PPARGC1A: variants seen among roughly 807,000 people sequenced by gnomAD.
PPARGC1A encodes PPARG coactivator 1 alpha.
A neutral mutation model predicts 88.7 loss-of-function variants in PPARGC1A; 25 were observed. The observed-to-expected ratio is 0.28, with a 90% CI of 0.21 to 0.39. The LOEUF (loss-of-function observed/expected upper bound fraction) is 0.39. Ranked by LOEUF, PPARGC1A falls within the 10% of genes least tolerant of loss-of-function variation. The pLI, the probability that PPARGC1A is intolerant of heterozygous loss-of-function variation, is 1.00. For synonymous variants in PPARGC1A, 363 were observed against 355.6 expected, an observed-to-expected ratio of 1.02 and a Z score of -0.24; for missense variants, 880 against 968.7, an observed-to-expected ratio of 0.91 and a Z score of 1.22.
the PPARGC1A span, among the ~76,000 whole-genome samples, chr4:23,913,243 TA>T: frequency 1.6e-4 from 9 of 54,674 alleles, no homozygotes; most frequent in East Asian, 8.1e-4. Flanking sequence ...TTATATATTT[TA>T]TATATATATA....
At chr4:23,960,083 C>T in the PPARGC1A span, among the ~76,000 whole-genome samples, 213 of 152,250 alleles carry the variant, frequency 1.4e-3, no homozygotes, top group African/African-American at 4.9e-3. Flanking sequence ...AATCAGGCAA[C>T]AATCTAGGCT....
the PPARGC1A span, among the ~76,000 whole-genome samples, chr4:24,194,129 C>CAA: frequency 0.064 from 8,205 of 128,540 alleles, 474 homozygotes; most frequent in African/African-American, 0.13. Flanking sequence ...AACTCCATCT[C>CAA]AAAAAAAAAA....
the PPARGC1A span, among the ~76,000 whole-genome samples, chr4:24,286,314 T>C: frequency 6.6e-6 from 1 of 152,274 alleles, no homozygotes; most frequent in East Asian, 1.9e-4. Flanking sequence ...TTCCTTAGTC[T>C]TGTTCTTCTC....
At chr4:24,353,861 T>A in the PPARGC1A span, among the ~76,000 whole-genome samples, 492 of 152,300 alleles carry the variant, frequency 3.2e-3, 3 homozygotes, top group Middle Eastern at 0.014. Flanking sequence ...GTACACACAC[T>A]AGGTTCAGAA....
chr4:24,456,077 G>C, the PPARGC1A span, among the ~76,000 whole-genome samples: 2 of 152,174 alleles, frequency 1.3e-5, no homozygotes, highest in African/African-American at 2.4e-5. Flanking sequence ...CCCAGCATTA[G>C]CTGGGCCTTT....
intron 2 of PPARGC1A, among the ~76,000 whole-genome samples, chr4:23,874,959 T>C (rs1390170096): frequency 6.6e-6 from 1 of 152,246 alleles, no homozygotes; most frequent in Admixed American, 6.5e-5. Context: ...TTGCTAAAGC[T>C]AGATATCAAA....
chr4:23,845,810 G>A (rs1728212564), intron 2 of PPARGC1A, among the ~76,000 whole-genome samples: 1 of 152,148 alleles, frequency 6.6e-6, no homozygotes, highest in Non-Finnish European at 1.5e-5. Context: ...TTTTACATGG[G>A]TTTAGGTTTC....
chr4:24,373,258 G>A, the PPARGC1A span, among the ~76,000 whole-genome samples: 1 of 152,362 alleles, frequency 6.6e-6, no homozygotes, highest in African/African-American at 2.4e-5. Flanking sequence ...GTCTGCAGCA[G>A]ATGGAGGAGG....
chr4:24,133,947 T>C, the PPARGC1A span, among the ~76,000 whole-genome samples: 19,369 of 152,116 alleles, frequency 0.13, 1,569 homozygotes, highest in African/African-American at 0.23. Context: ...CTCATAACAA[T>C]TAGCTCTAAG....
chr4:23,927,332 G>A, the PPARGC1A span, among the ~76,000 whole-genome samples: 1 of 152,156 alleles, frequency 6.6e-6, no homozygotes, highest in East Asian at 1.9e-4. Context: ...GTCCAGGACT[G>A]TCTGCATATC....
the PPARGC1A span, among the ~76,000 whole-genome samples, chr4:24,002,240 G>A: frequency 6.6e-6 from 1 of 152,086 alleles, no homozygotes; most frequent in Admixed American, 6.6e-5. Context: ...CCATTCTCCT[G>A]CCTCAGCCTC....
chr4:24,118,561 C>T, the PPARGC1A span, among the ~76,000 whole-genome samples: 1 of 152,128 alleles, frequency 6.6e-6, no homozygotes, highest in African/African-American at 2.4e-5. Context: ...ATTTTTAGAA[C>T]ACTACTCGGT....
At chr4:23,974,746 C>A in the PPARGC1A span, among the ~76,000 whole-genome samples, 1 of 149,978 alleles carries the variant, frequency 6.7e-6, no homozygotes, top group Non-Finnish European at 1.5e-5. Flanking sequence ...CATTCTCCCG[C>A]CTCGGCCTCC....
the PPARGC1A span, among the ~76,000 whole-genome samples, chr4:24,183,206 C>T: frequency 7.9e-3 from 1,198 of 152,290 alleles, 12 homozygotes; most frequent in African/African-American, 0.027. Context: ...AATGCTTCTC[C>T]AGGACTTCTA....
At chr4:24,226,093 C>T in the PPARGC1A span, among the ~76,000 whole-genome samples, 1 of 152,120 alleles carries the variant, frequency 6.6e-6, no homozygotes, top group African/African-American at 2.4e-5. Flanking sequence ...CTACCATTTC[C>T]CCTTTTGCCA....
the PPARGC1A span, among the ~76,000 whole-genome samples, chr4:24,039,732 TTG>T: frequency 6.6e-6 from 1 of 152,266 alleles, no homozygotes; most frequent in East Asian, 1.9e-4. Flanking sequence ...CTAAAGCAAC[TTG>T]CCACAAATGG....
the PPARGC1A span, among the ~76,000 whole-genome samples, chr4:24,465,517 C>T: frequency 1.3e-5 from 2 of 152,140 alleles, no homozygotes; most frequent in African/African-American, 4.8e-5. Flanking sequence ...CATTGATTTC[C>T]TATGGTCTCT....
At chr4:24,297,164 A>C in the PPARGC1A span, among the ~76,000 whole-genome samples, 1 of 152,222 alleles carries the variant, frequency 6.6e-6, no homozygotes, top group African/African-American at 2.4e-5. Context: ...CAAGGCTTCT[A>C]ATAATGAATA....
At chr4:24,356,788 A>G in the PPARGC1A span, among the ~76,000 whole-genome samples, 1 of 152,322 alleles carries the variant, frequency 6.6e-6, no homozygotes, top group South Asian at 2.1e-4. Flanking sequence ...CTCTACAAAG[A>G]GTCATAAAAT....
Sources: gnomAD v4.1 joint callset for allele counts (sites outside exome capture counted in the v4.1 genomes callset) on GRCh38, gnomAD v4.1.1 for gene constraint, MANE v1.5 for transcripts, NCBI Gene and HGNC (gene_info 2026-07-23, HGNC 2026-07-21) for gene names.